NTRK2: variants seen among roughly 807,000 people sequenced by gnomAD.
NTRK2 encodes BDNF/NT-3 growth factors receptor.
NTRK2 carries 13 observed loss-of-function variants against 94.5 expected under a neutral mutation model. The observed-to-expected ratio is 0.14, with a 90% CI of 0.09 to 0.22. NTRK2 has a LOEUF of 0.22. Ranked by LOEUF, NTRK2 falls within the 10% of genes least tolerant of loss-of-function variation. The pLI is 1.00. For synonymous variants in NTRK2, 372 were observed against 407.4 expected, an observed-to-expected ratio of 0.91 and a Z score of 1.05; for missense variants, 639 against 1,071.2, an observed-to-expected ratio of 0.60 and a Z score of 5.63.
intron 17 of NTRK2, among the ~76,000 whole-genome samples, chr9:84,986,476 C>A (rs77570128): frequency 0.017 from 2,636 of 152,220 alleles, 85 homozygotes; most frequent in African/African-American, 0.06. Flanking sequence ...TGATAGGAGG[C>A]GGACCCCAGG....
At chr9:84,841,036 C>T (rs2131784637) in intron 12 of NTRK2, among the ~76,000 whole-genome samples, 1 of 152,300 alleles carries the variant, frequency 6.6e-6, no homozygotes, top group Non-Finnish European at 1.5e-5. Flanking sequence ...TTGCTGAGCC[C>T]TGAAGCTCAG....
At chr9:84,815,374 A>G (rs2072283929) in intron 12 of NTRK2, 45 of 1,046,076 alleles carry the variant, frequency 4.3e-5, no homozygotes, top group Non-Finnish European at 5.0e-5. Flanking sequence ...CCTTTATTGT[A>G]AGACAGTCCA....
intron 9 of NTRK2, among the ~76,000 whole-genome samples, chr9:84,737,938 C>A (rs929873893): frequency 2.0e-5 from 3 of 151,432 alleles, no homozygotes; most frequent in Non-Finnish European, 4.4e-5. Flanking sequence ...ATGCTCAACA[C>A]GTTCTTCAGA....
rs1041439252 is a variant in NTRK2 at position 84,811,904 on chromosome 9, TCCCCA to T, written c.1397-49117_1397-49113del. The T allele has an allele frequency of 2.5e-5, 26 of 1,053,018 alleles. 1 individual carries two copies. The East Asian group carries it at 9.3e-4, about 38-fold the overall frequency. 65.2% of individuals were successfully genotyped at this position (1,053,018 alleles called of 1,614,324 possible). A position where few individuals can be genotyped will look rare whatever the true frequency, so the allele number is the denominator to read the frequency against. ...CTTGTCCTGAAGAGAGGTTTGGCTA[TCCCCA>T]CCCCACCCCACCCCACCCTGTTCCT... On this transcript the variant is annotated intron_variant, in intron 12 of 18. Transcript: ENST00000277120.
chr9:84,799,501 A>C lies in NTRK2; in HGVS notation c.1396+47416A>C, dbSNP rs2070119498. ...GAGTTTTTGTCATTATATTCTGGGAAGTGGAAATTATTACTTTAGATAATC... is the reference window on the plus strand; with the variant it reads ...GAGTTTTTGTCATTATATTCTGGGACGTGGAAATTATTACTTTAGATAATC... On this transcript the variant is annotated intron_variant, in intron 12 of 18. Transcript: ENST00000277120. 6.6e-5 allele frequency among the ~76,000 whole-genome samples: 10 copies of C among 152,272 alleles called. No homozygotes were observed. In the South Asian group the frequency reaches 2.1e-3, roughly 32 times the overall value.
intron 14 of NTRK2, among the ~76,000 whole-genome samples, chr9:84,922,904 A>G (rs1357313502): frequency 6.6e-6 from 1 of 152,208 alleles, no homozygotes; most frequent in Non-Finnish European, 1.5e-5. Context: ...ACAGATATTA[A>G]CACTACCTTT....
At chr9:84,865,969 A>G (rs1441764351) in intron 13 of NTRK2, among the ~76,000 whole-genome samples, 1 of 152,222 alleles carries the variant, frequency 6.6e-6, no homozygotes. Flanking sequence ...TAATGGGTAA[A>G]TTGTTTAGAC....
At chr9:84,758,698 AATTATTTT>A (rs2065289587) in intron 12 of NTRK2, among the ~76,000 whole-genome samples, 1 of 152,126 alleles carries the variant, frequency 6.6e-6, no homozygotes, top group Non-Finnish European at 1.5e-5. Flanking sequence ...GCCTTTTTGT[AATTATTTT>A]ATTAAACTTT....
intron 17 of NTRK2, among the ~76,000 whole-genome samples, chr9:85,019,962 C>T (rs1016414820): frequency 6.6e-6 from 1 of 152,106 alleles, no homozygotes; most frequent in African/African-American, 2.4e-5. Flanking sequence ...AATCATCATC[C>T]CTGCTCCTAT....
intron 12 of NTRK2, among the ~76,000 whole-genome samples, chr9:84,772,477 G>T (rs2066652137): frequency 6.6e-6 from 1 of 152,064 alleles, no homozygotes; most frequent in Admixed American, 6.6e-5. Context: ...CAAACTTCTG[G>T]CCTTAAGCAA....
At chr9:84,768,059 G>A (rs777523002) in intron 12 of NTRK2, among the ~76,000 whole-genome samples, 2 of 152,170 alleles carry the variant, frequency 1.3e-5, no homozygotes, top group African/African-American at 4.8e-5. Flanking sequence ...CCATTCATTG[G>A]CATGGGCTCT....
intron 14 of NTRK2, among the ~76,000 whole-genome samples, chr9:84,888,485 C>A (rs1054330887): frequency 2.0e-5 from 3 of 151,384 alleles, no homozygotes; most frequent in Non-Finnish European, 2.9e-5. Context: ...TGGTGGCAGG[C>A]ACCTGTAGTC....
chr9:84,830,628 A>G (rs982640037), intron 12 of NTRK2, among the ~76,000 whole-genome samples: 1 of 152,142 alleles, frequency 6.6e-6, no homozygotes, highest in Admixed American at 6.5e-5. Flanking sequence ...GAGATGTTAT[A>G]GATTATTGAA....
chr9:85,003,143 C>T (rs1830509153), intron 17 of NTRK2, among the ~76,000 whole-genome samples: 1 of 152,164 alleles, frequency 6.6e-6, no homozygotes, highest in Non-Finnish European at 1.5e-5. Context: ...TCACCTTGAG[C>T]TGTGCTAAGG....
At chr9:85,007,061 G>T (rs1831054843) in intron 17 of NTRK2, among the ~76,000 whole-genome samples, 1 of 152,224 alleles carries the variant, frequency 6.6e-6, no homozygotes. Context: ...CCCAGCACTG[G>T]ACTGTGCTGT....
chr9:84,980,855 T>C (rs1163152949), intron 17 of NTRK2, among the ~76,000 whole-genome samples: 1 of 152,152 alleles, frequency 6.6e-6, no homozygotes, highest in Non-Finnish European at 1.5e-5. Context: ...ATGCATAAAC[T>C]GGGGAAACGA....
chr9:84,804,279 A>T (rs1333230596), intron 12 of NTRK2, among the ~76,000 whole-genome samples: 1 of 151,286 alleles, frequency 6.6e-6, no homozygotes, highest in Non-Finnish European at 1.5e-5. Context: ...CAACCACTTT[A>T]AAAAAAAATT....
intron 17 of NTRK2, among the ~76,000 whole-genome samples, chr9:84,984,278 G>T (rs1272510800): frequency 6.6e-6 from 1 of 152,056 alleles, no homozygotes; most frequent in Non-Finnish European, 1.5e-5. Flanking sequence ...TTCGAGGGCA[G>T]CCTGGCCAAC....
At chr9:84,858,055 T>A (rs553707361) in intron 12 of NTRK2, among the ~76,000 whole-genome samples, 31 of 152,198 alleles carry the variant, frequency 2.0e-4, no homozygotes, top group African/African-American at 7.5e-4. Flanking sequence ...TCTGAAACCT[T>A]CATTGTTTTC....
Sources: gnomAD v4.1 joint callset for allele counts (sites outside exome capture counted in the v4.1 genomes callset) on GRCh38, gnomAD v4.1.1 for gene constraint, MANE v1.5 for transcripts, NCBI Gene and HGNC (gene_info 2026-07-23, HGNC 2026-07-21) for gene names.